MTRF1: variants seen among roughly 807,000 people sequenced by gnomAD.
MTRF1 encodes the protein peptide chain release factor 1, mitochondrial.
In MTRF1, 51 loss-of-function variants were observed where a neutral mutation model predicts 62.9. That is an observed-to-expected ratio of 0.81 (90% CI 0.65 to 1.02). The LOEUF (loss-of-function observed/expected upper bound fraction) is 1.02. Among genes scored for constraint, MTRF1 ranks in the 50% least tolerant of loss-of-function variants. The pLI is 0.00. For missense variants in MTRF1, 446 were observed against 530.0 expected (o/e 0.84, Z 1.56); for synonymous variants, 158 against 181.9 (o/e 0.87, Z 1.06).
chr13:41,299,207 A>G, the MTRF1 span, among the ~76,000 whole-genome samples: 1 of 151,620 alleles, frequency 6.6e-6, no homozygotes, highest in Non-Finnish European at 1.5e-5. Context: ...AGAAAAAAAA[A>G]AGAGAGAGAG....
intron 5 of MTRF1, among the ~76,000 whole-genome samples, chr13:41,240,675 T>C (rs898311906): frequency 1.3e-5 from 2 of 152,206 alleles, no homozygotes; most frequent in South Asian, 4.1e-4. Context: ...ATGTAATTAA[T>C]TATAGGAGCT....
At chr13:41,225,686 G>A (rs1344062843) in intron 8 of MTRF1, among the ~76,000 whole-genome samples, 1 of 151,714 alleles carries the variant, frequency 6.6e-6, no homozygotes, top group African/African-American at 2.4e-5. Flanking sequence ...GCACGTGCCT[G>A]TAATCCCAGC....
the MTRF1 span, among the ~76,000 whole-genome samples, chr13:41,292,001 G>A: frequency 6.6e-6 from 1 of 152,246 alleles, no homozygotes; most frequent in Admixed American, 6.5e-5. Context: ...CTTGAGCTTG[G>A]AGCAATAATA....
chr13:41,220,513 G>A (rs1465966762), intron 9 of MTRF1: 13 of 1,096,684 alleles, frequency 1.2e-5, no homozygotes, highest in South Asian at 6.5e-5. Flanking sequence ...TTATTAGCTC[G>A]ATAAATAAAA....
rs151222763 is a variant in MTRF1 at position 41,256,906 on chromosome 13, G to A, written c.416-2286C>T. On this transcript the variant is annotated intron_variant, in intron 2 of 9. Coordinates refer to ENST00000379480, the MANE Select transcript of MTRF1 (RefSeq NM_004294.4). ...GAAAAATGAGTAAGACACAGGACCT[G>A]ACCTTGAAGAACAGACAATGGGGTT... Among the ~76,000 whole-genome samples the A allele has an allele frequency of 5.4e-3, 816 of 152,300 alleles. 8 individuals carry two copies. Among genetic ancestry groups the A allele is most frequent in the African/African-American group, 0.018 (733 of 41,556 alleles).
chr13:41,234,611 T>A (rs1026587797), intron 6 of MTRF1, among the ~76,000 whole-genome samples: 3 of 152,220 alleles, frequency 2.0e-5, no homozygotes, highest in African/African-American at 7.2e-5. Context: ...AATACACACA[T>A]ATATACTATA....
At chr13:41,238,766 C>T (rs2037080379) in intron 6 of MTRF1, among the ~76,000 whole-genome samples, 1 of 152,148 alleles carries the variant, frequency 6.6e-6, no homozygotes, top group Admixed American at 6.5e-5. Context: ...AACTAAGGTA[C>T]ACTAAAAGTG....
chr13:41,300,447 A>G, the MTRF1 span, among the ~76,000 whole-genome samples: 7 of 151,964 alleles, frequency 4.6e-5, no homozygotes, highest in Admixed American at 2.0e-4. Flanking sequence ...TTAGCCAGGC[A>G]TGGTGGTGGG....
At chr13:41,257,299 C>T (rs2039858198) in intron 2 of MTRF1, among the ~76,000 whole-genome samples, 1 of 152,144 alleles carries the variant, frequency 6.6e-6, no homozygotes, top group Non-Finnish European at 1.5e-5. Context: ...TAAGATTGTA[C>T]TTGAACTAGA....
At chr13:41,232,837 C>T (rs894486885) in intron 7 of MTRF1, among the ~76,000 whole-genome samples, 1 of 152,132 alleles carries the variant, frequency 6.6e-6, no homozygotes, top group African/African-American at 2.4e-5. Context: ...CATGGAGTCT[C>T]CAGAGAGCAC....
the MTRF1 span, among the ~76,000 whole-genome samples, chr13:41,291,367 G>A: frequency 1.3e-5 from 2 of 151,870 alleles, no homozygotes; most frequent in Non-Finnish European, 1.5e-5. Context: ...TAGAAGAGAC[G>A]GGGTTTTGCC....
the MTRF1 span, among the ~76,000 whole-genome samples, chr13:41,272,075 G>A: frequency 1.3e-5 from 2 of 152,146 alleles, no homozygotes; most frequent in Non-Finnish European, 2.9e-5. Flanking sequence ...TCCTCTCACA[G>A]TACAAAGTAA....
At chr13:41,251,043 ATTAGT>A (rs1300585250) in intron 5 of MTRF1, among the ~76,000 whole-genome samples, 2 of 152,168 alleles carry the variant, frequency 1.3e-5, no homozygotes, top group Admixed American at 1.3e-4. Flanking sequence ...GTGGTCTTGG[ATTAGT>A]TACTTACTCT....
chr13:41,274,782 C>T, the MTRF1 span, among the ~76,000 whole-genome samples: 9 of 151,802 alleles, frequency 5.9e-5, no homozygotes, highest in East Asian at 3.9e-4. Context: ...ATTACAGGCA[C>T]GCTCCACCAC....
chr13:41,311,325 G>C, the MTRF1 span: 158 of 569,022 alleles, frequency 2.8e-4, no homozygotes, highest in Admixed American at 5.4e-3. Flanking sequence ...CAGGGGAAGC[G>C]TGTCCTGCTC....
chr13:41,219,070 C>A (rs2032595161), intron 9 of MTRF1, among the ~76,000 whole-genome samples: 1 of 152,194 alleles, frequency 6.6e-6, no homozygotes, highest in South Asian at 2.1e-4. Flanking sequence ...GCGGGCAGAT[C>A]ACCTGAGGTC....
chr13:41,225,959 T>TG (rs138081250), intron 8 of MTRF1, among the ~76,000 whole-genome samples: 7,132 of 151,872 alleles, frequency 0.047, 229 homozygotes, highest in Non-Finnish European at 0.076. Flanking sequence ...AAGTACCAAA[T>TG]GGTACATAAT....
intron 5 of MTRF1, among the ~76,000 whole-genome samples, chr13:41,249,632 T>TC (rs2038794536): frequency 1.6e-5 from 2 of 125,090 alleles, no homozygotes; most frequent in Admixed American, 8.0e-5. Context: ...TTTTTTTTTT[T>TC]TTTTTTTTTT....
intron 1 of MTRF1, chr13:41,261,720 G>A: frequency 1.2e-6 from 1 of 812,196 alleles, no homozygotes; most frequent in African/African-American, 1.9e-5. Context: ...CGGCTGGATG[G>A]AGACAGAGCT....
Sources: allele counts gnomAD v4.1 joint callset (sites outside exome capture counted in the v4.1 genomes callset), GRCh38; gene constraint gnomAD v4.1.1; transcripts MANE v1.5; gene names NCBI Gene and HGNC (gene_info 2026-07-23, HGNC 2026-07-21).